Variants in PLCG1 observed in about 807,000 individuals in gnomAD.
PLCG1 encodes the protein phospholipase C gamma 1, also known as 1-phosphatidylinositol 4,5-bisphosphate phosphodiesterase gamma-1.
In PLCG1, 71 loss-of-function variants were observed where a neutral mutation model predicts 177.8. The observed-to-expected ratio is 0.40, with a 90% CI of 0.33 to 0.49. The LOEUF is 0.49. Ranked by LOEUF, PLCG1 falls within the 20% of genes least tolerant of loss-of-function variation. PLCG1 has a pLI of 0.72. For missense variants in PLCG1, 1,281 were observed against 1,709.0 expected (o/e 0.75, Z 4.42); for synonymous variants, 658 against 647.9 (o/e 1.02, Z -0.24).
In PLCG1 at chr20:41,174,527, T is replaced by C; in HGVS notation, c.*18T>C. ...GCCTCTAGTTGTACCCCAGCCTCGT[T>C]GGAGAGCAGCAGGTGCTGTGCGCCT... On this transcript the variant is annotated 3_prime_UTR_variant, in exon 32 of 32. Coordinates refer to ENST00000685551, the MANE Select transcript of PLCG1 (RefSeq NM_002660.3). This position sits in a 1 kb window ranked among gnomAD's most constrained non-coding sequence, Gnocchi z 5.8. The C allele has an allele frequency of 6.3e-7, 1 of 1,577,122 alleles. No individual in the cohort carries two copies. Among genetic ancestry groups the C allele is most frequent in the Non-Finnish European group, 8.6e-7 (1 of 1,160,294 alleles).
chr20:41,171,587 A>C (rs964421265), intron 24 of PLCG1, among the ~76,000 whole-genome samples: 4 of 36,166 alleles, frequency 1.1e-4, no homozygotes, highest in Non-Finnish European at 2.0e-4. Context: ...ACTCTGTCTC[A>C]AAAAAAAAAA....
At chr20:41,143,733 AC>A (rs1330887780) in intron 1 of PLCG1, among the ~76,000 whole-genome samples, 1 of 152,188 alleles carries the variant, frequency 6.6e-6, no homozygotes, top group Non-Finnish European at 1.5e-5. Context: ...TCTTACTGTG[AC>A]CTTGGGCAGA....
In PLCG1 at chr20:41,166,715, A is replaced by G. The variant is rs1248203243; in HGVS notation, c.2157A>G (p.Gln719=). The G allele has an allele frequency of 2.5e-6, 4 of 1,614,180 alleles. No individual in the cohort carries two copies. Among genetic ancestry groups the G allele is most frequent in the South Asian group, 1.1e-5 (1 of 91,082 alleles). ...AGATCAAGCATTGCCGTGTCCAGCA[A>G]GAGGGCCAGACAGTGATGCTAGGGA... ...EGKIKHCRVQ[Q]EGQTVMLGNS... The change falls in exon 19 of 32, where the codon CAA becomes CAG. Residue 719 remains glutamine, a synonymous_variant. Coordinates refer to ENST00000685551, the MANE Select transcript of PLCG1 (RefSeq NM_002660.3). The surrounding 1 kb of genome is among the most constrained non-coding windows in gnomAD (Gnocchi z 8.6).
At position 41,164,395 on chromosome 20, in the gene PLCG1, T is replaced by G. The variant is rs2035613702; in HGVS notation, c.1217+194T>G. Among the ~76,000 whole-genome samples the G allele has an allele frequency of 6.6e-6, 1 of 152,032 alleles. No individual in the cohort carries two copies. The highest frequency in any genetic ancestry group is 2.4e-5 in the African/African-American group (1 of 41,380). On this transcript the variant is annotated intron_variant, in intron 12 of 31. Coordinates refer to ENST00000685551, the MANE Select transcript of PLCG1 (RefSeq NM_002660.3). This position sits in a 1 kb window ranked among gnomAD's most constrained non-coding sequence, Gnocchi z 6.4. ...TGCTTCCCAAGTTACACTTTCTGTT[T>G]CCTACGTGTTGGGCCCACTCTCTTC...
chr20:41,139,938 T>C (rs2034765481), intron 1 of PLCG1, among the ~76,000 whole-genome samples: 1 of 152,184 alleles, frequency 6.6e-6, no homozygotes. Context: ...GTAGAGAAAG[T>C]GTTTGCAGTT....
rs1458010026 is a variant in PLCG1 at position 41,174,499 on chromosome 20, A to G, written c.3866A>G (p.Asn1289Ser). Residue 1289 changes from asparagine (N) to serine (S), a missense_variant, in exon 32 of 32, where the codon AAC (asparagine) becomes AGC (serine). Transcript: ENST00000685551. The surrounding 1 kb of genome is among the most constrained non-coding windows in gnomAD (Gnocchi z 5.8). Reference sequence around the variant, plus strand: ...AGAAGGACTCGGGTCAATGGAGACAACCGCCTCTAGTTGTACCCCAGCCTC... The same window carrying G: ...AGAAGGACTCGGGTCAATGGAGACAGCCGCCTCTAGTTGTACCCCAGCCTC... ...APRRTRVNGD[N>S]RL 5 of 1,581,916 alleles carry G rather than the reference A, an allele frequency of 3.2e-6. No homozygotes were observed. In the Admixed American group the frequency reaches 7.1e-5, roughly 22 times the overall value.
At chr20:41,149,034 G>A (rs1271623991) in intron 1 of PLCG1, among the ~76,000 whole-genome samples, 2 of 152,208 alleles carry the variant, frequency 1.3e-5, no homozygotes, top group African/African-American at 4.8e-5. Flanking sequence ...AGTTTTTATC[G>A]TTGTAAGGCA....
At position 41,164,943 on chromosome 20, in the gene PLCG1, A is replaced by T. The variant is rs777871395; in HGVS notation, c.1228A>T (p.Ile410Phe). The change falls in exon 13 of 32, where the codon ATC (isoleucine) becomes TTC (phenylalanine). Residue 410 changes from isoleucine (I) to phenylalanine (F), a missense_variant. Physicochemically the swap from Ile to Phe is conservative, Grantham distance 21. Around this residue, in one of 4 missense-constraint regions of PLCG1, gnomAD observed 723 missense variants for 1,030.0 expected, o/e 0.70. Transcript: ENST00000685551. This position sits in a 1 kb window ranked among gnomAD's most constrained non-coding sequence, Gnocchi z 6.4. ...TCCCCCATCCCGCAGGTACCCAGTC[A>T]TCCTGTCCATTGAGGACCACTGCAG... is the stretch of plus-strand genomic sequence containing the variant. ...HAFVASEYPV[I>F]LSIEDHCSIA... The T allele has an allele frequency of 2.9e-5, 47 of 1,613,844 alleles. No homozygotes were observed. The highest frequency in any genetic ancestry group is 4.2e-6 in the Non-Finnish European group (5 of 1,179,894).
At chr20:41,170,044 G>A in intron 23 of PLCG1, 68 bp from the exon 24 acceptor site, 1 of 1,397,516 alleles carries the variant, frequency 7.2e-7, no homozygotes, top group South Asian at 1.3e-5. Context: ...GCCAGTGCCT[G>A]CGGTGTGGAG....
chr20:41,141,423 A>C (rs2034822125), intron 1 of PLCG1, among the ~76,000 whole-genome samples: 1 of 152,258 alleles, frequency 6.6e-6, no homozygotes, highest in Non-Finnish European at 1.5e-5. Context: ...TTGATGAGGC[A>C]GGCGGGCTCA....
chr20:41,137,624 G>A lies in PLCG1; in HGVS notation c.-18G>A. 3.8e-6 allele frequency: 5 copies of A among 1,311,360 alleles called. No individual in the cohort carries two copies. The highest frequency in any genetic ancestry group is 3.2e-5 in the East Asian group (1 of 31,510). 81.2% of individuals were successfully genotyped at this position (1,311,360 alleles called of 1,614,324 possible). On this transcript the variant is annotated 5_prime_UTR_variant, in exon 1 of 32. Transcript: ENST00000685551. The surrounding 1 kb of genome is among the most constrained non-coding windows in gnomAD (Gnocchi z 7.3). Reference sequence around the variant, plus strand: ...GGCGGTCCTGGCCTGTGCCGCCGCCGCCCCCAGCGTCGGAGCCATGGCGGG... The same window carrying A: ...GGCGGTCCTGGCCTGTGCCGCCGCCACCCCCAGCGTCGGAGCCATGGCGGG...
chr20:41,170,233 A>G lies in PLCG1; in HGVS notation c.2772A>G (p.Lys924=). ...AGGAGGAGCTGCAGGACTGGGTGAA[A>G]AAGATCCGTGAAGTGGCCCAGACAG... ...DSQEELQDWV[K]KIREVAQTAD... is the part of the protein sequence containing the mutation. Residue 924 remains lysine, a synonymous_variant, in exon 24 of 32, where the codon AAA becomes AAG. Coordinates refer to ENST00000685551, the MANE Select transcript of PLCG1 (RefSeq NM_002660.3). 3 of 1,614,050 alleles carry G rather than the reference A, an allele frequency of 1.9e-6. No homozygotes were observed. The South Asian group carries it at 3.3e-5, about 18-fold the overall frequency.
intron 4 of PLCG1, 35 bp from the exon 5 acceptor site, chr20:41,162,399 CAGAGGTCATGAGAAGCTG>C (rs1336865401): frequency 7.7e-5 from 110 of 1,428,820 alleles, no homozygotes; most frequent in Non-Finnish European, 1.0e-4. Context: ...ACCCACAGGT[CAGAGGTCATGAGAAGCTG>C]GATGAGACCA....
chr20:41,141,546 A>G (rs1284887052), intron 1 of PLCG1, among the ~76,000 whole-genome samples: 1 of 152,250 alleles, frequency 6.6e-6, no homozygotes, highest in African/African-American at 2.4e-5. Context: ...GGAGAGGGCA[A>G]GGCCCAGGCC....
At chr20:41,139,891 G>A (rs935204938) in intron 1 of PLCG1, among the ~76,000 whole-genome samples, 2 of 152,166 alleles carry the variant, frequency 1.3e-5, no homozygotes, top group Non-Finnish European at 1.5e-5. Flanking sequence ...CAACCCATGT[G>A]CCCACTCACC....
Position 41,159,465 on chromosome 20 carries a change from G to T in PLCG1, c.218-141G>T. On this transcript the variant is annotated intron_variant, in intron 1 of 31. Transcript: ENST00000685551. The surrounding 1 kb of genome is among the most constrained non-coding windows in gnomAD (Gnocchi z 6.0). The stretch of plus-strand genomic sequence containing the variant: ...ACTCAACCCAGCCCTCTTATTACCA[G>T]AGTGACTGAGTGGTCTTGGCTCTGC... The T allele has an allele frequency of 1.3e-6, 1 of 760,268 alleles. No homozygotes were observed. The highest frequency in any genetic ancestry group is 2.1e-6 in the Non-Finnish European group (1 of 472,844). 47.1% of individuals were successfully genotyped at this position (760,268 alleles called of 1,614,324 possible).
At position 41,172,313 on chromosome 20, in the gene PLCG1, G is replaced by T. The variant is rs1420993800; in HGVS notation, c.2905+24G>T. 2 of 1,592,196 alleles carry T rather than the reference G, an allele frequency of 1.3e-6. No homozygotes were observed. Among genetic ancestry groups the T allele is most frequent in the African/African-American group, 1.3e-5 (1 of 74,498 alleles). On this transcript the variant is annotated intron_variant, in intron 25 of 31. Transcript: ENST00000685551. This position sits in a 1 kb window ranked among gnomAD's most constrained non-coding sequence, Gnocchi z 7.0. Reference sequence around the variant, plus strand: ...GAGTAAGGGCCAGGGCCCAGGCGGGGTGTGCATGTGCCTGGAGGGCCTGGT... The same window carrying T: ...GAGTAAGGGCCAGGGCCCAGGCGGGTTGTGCATGTGCCTGGAGGGCCTGGT...
At position 41,164,923 on chromosome 20, in the gene PLCG1, C is replaced by T. The variant is rs755018261; in HGVS notation, c.1218-10C>T. On this transcript the variant is annotated splice_polypyrimidine_tract_variant and intron_variant, in intron 12 of 31. Coordinates refer to ENST00000685551, the MANE Select transcript of PLCG1 (RefSeq NM_002660.3). This position sits in a 1 kb window ranked among gnomAD's most constrained non-coding sequence, Gnocchi z 6.4. ...AATCTGTTTCACTGTGCTTGTCCCC[C>T]ATCCCGCAGGTACCCAGTCATCCTG... The T allele has an allele frequency of 6.2e-7, 1 of 1,611,454 alleles. No homozygotes were observed. Among genetic ancestry groups the T allele is most frequent in the Non-Finnish European group, 8.5e-7 (1 of 1,178,186 alleles).
At position 41,164,304 on chromosome 20, in the gene PLCG1, C is replaced by T. The variant is rs371927850; in HGVS notation, c.1217+103C>T. The stretch of plus-strand genomic sequence containing the variant: ...CTCCTCAAATGCCCTGTCCCCTCTC[C>T]CTCAGCCTTTCATCTTTGTCCTTCC... On this transcript the variant is annotated intron_variant, in intron 12 of 31. Transcript: ENST00000685551. This position sits in a 1 kb window ranked among gnomAD's most constrained non-coding sequence, Gnocchi z 6.4. 13 of 1,184,548 alleles carry T rather than the reference C, an allele frequency of 1.1e-5. No individual in the cohort carries two copies. The South Asian group carries it at 1.6e-4, about 14-fold the overall frequency. The allele number at this position is 1,184,548 out of a possible 1,614,324, so 73.4% of individuals were successfully genotyped here.
Sources: gnomAD v4.1 joint callset for allele counts (sites outside exome capture counted in the v4.1 genomes callset) on GRCh38, gnomAD v4.1.1 for gene constraint, gnomAD v4.1.1 regional missense constraint, Gnocchi (gnomAD v3.1) non-coding constraint, MANE v1.5 for transcripts, NCBI Gene and HGNC (gene_info 2026-07-23, HGNC 2026-07-21) for gene names.